KANK1: variants seen among roughly 807,000 people sequenced by gnomAD.
KANK1 encodes the protein KN motif and ankyrin repeat domain-containing protein 1.
KANK1 carries 109 observed loss-of-function variants against 106.2 expected under a neutral mutation model. That is an observed-to-expected ratio of 1.03 (90% CI 0.88 to 1.20). The LOEUF is 1.20. KANK1 is among the 50% of genes most tolerant of loss of function. The pLI is 0.00. For missense variants in KANK1, 2,399 were observed against 1,710.7 expected (o/e 1.40, Z -7.10); for synonymous variants, 873 against 652.2 (o/e 1.34, Z -5.16).
intron 1 of KANK1, among the ~76,000 whole-genome samples, chr9:627,218 C>G (rs1834559717): frequency 6.6e-6 from 1 of 152,150 alleles, no homozygotes; most frequent in Non-Finnish European, 1.5e-5. Context: ...ATCCAGAAAC[C>G]TGTGATGGAT....
At chr9:556,431 A>C (rs896023354) in intron 1 of KANK1, among the ~76,000 whole-genome samples, 1 of 152,196 alleles carries the variant, frequency 6.6e-6, no homozygotes, top group Non-Finnish European at 1.5e-5. Flanking sequence ...AGTCAGCCAG[A>C]TCCAGATCTT....
Position 713,428 on chromosome 9 carries a change from C to A in KANK1, c.2662C>A (p.Pro888Thr), listed in dbSNP as rs374172115. Residue 888 changes from proline (P) to threonine (T), a missense_variant, in exon 3 of 12, where the codon CCT becomes ACT. Coordinates refer to ENST00000382297, the MANE Select transcript of KANK1 (RefSeq NM_015158.5). ...TGCAAGCACTGAAGAGCTGAGGAAC[C>A]CTGACTTCCAGAAAACCAGTCTGGG... ...KSASTEELRN[P>T]DFQKTSLGKI... 1.2e-6 allele frequency: 2 copies of A among 1,603,678 alleles called. No individual in the cohort carries two copies. The highest frequency in any genetic ancestry group is 1.7e-5 in the Admixed American group (1 of 57,904).
rs3028166 is a variant in KANK1 at position 598,620 on chromosome 9, C to CTTTTTTTTTTTTTT, written c.-83-78253_-83-78240dup. On this transcript the variant is annotated intron_variant, in intron 1 of 11. Coordinates refer to ENST00000382297, the MANE Select transcript of KANK1 (RefSeq NM_015158.5). ...TTTTTTGTTTTGTTTTGTTGGTTTT[C>CTTTTTTTTTTTTTT]TTTTTTTTTTTTTTTTTTTTTTTTT... Among the ~76,000 whole-genome samples, 61 of 46,676 alleles carry CTTTTTTTTTTTTTT rather than the reference C, an allele frequency of 1.3e-3. 15 individuals carry two copies. Among genetic ancestry groups the CTTTTTTTTTTTTTT allele is most frequent in the Non-Finnish European group, 2.1e-3 (48 of 23,142 alleles). The allele number at this position is 46,676 out of a possible 152,430, so 30.6% of individuals were successfully genotyped here.
chr9:575,403 C>T (rs1276603579), intron 1 of KANK1, among the ~76,000 whole-genome samples: 1 of 151,624 alleles, frequency 6.6e-6, no homozygotes, highest in Non-Finnish European at 1.5e-5. Context: ...CACAGTGGCT[C>T]TTGCCTGTAA....
chr9:617,651 A>C (rs978787407), intron 1 of KANK1, among the ~76,000 whole-genome samples: 1 of 152,124 alleles, frequency 6.6e-6, no homozygotes. Flanking sequence ...GGGCAGGAAA[A>C]GTTACTTCCC....
In KANK1 at chr9:712,973, T is replaced by A. The variant is rs1177860584; in HGVS notation, c.2207T>A (p.Ile736Asn). ...AACTCCTCCACCAAGACGCGGTCCA[T>A]TGGTGTTGGAACGTTGCTTTCTGGC... is the stretch of plus-strand genomic sequence containing the variant. ...DINSSTKTRS[I>N]GVGTLLSGHS... The change falls in exon 3 of 12, where the codon ATT (isoleucine) becomes AAT (asparagine). Residue 736 changes from isoleucine to asparagine, a missense_variant. Coordinates refer to ENST00000382297, the MANE Select transcript of KANK1 (RefSeq NM_015158.5). 1.2e-6 allele frequency: 2 copies of A among 1,613,974 alleles called. No individual in the cohort carries two copies. The highest frequency in any genetic ancestry group is 2.7e-5 in the African/African-American group (2 of 74,916).
upstream of KANK1, among the ~76,000 whole-genome samples, chr9:500,529 A>G (rs960543711): frequency 3.9e-5 from 6 of 152,236 alleles, no homozygotes; most frequent in Non-Finnish European, 8.8e-5. Flanking sequence ...GATGAAAATG[A>G]GCCCCATGTT....
chr9:550,380 A>T (rs183315932), intron 1 of KANK1, among the ~76,000 whole-genome samples: 6 of 150,154 alleles, frequency 4.0e-5, no homozygotes, highest in Non-Finnish European at 8.8e-5. Flanking sequence ...GCATCCGTAC[A>T]TGAAGCCTGA....
chr9:530,374 T>G (rs1465440978), intron 1 of KANK1, among the ~76,000 whole-genome samples: 1 of 152,206 alleles, frequency 6.6e-6, no homozygotes, highest in Non-Finnish European at 1.5e-5. Context: ...ATATTTAAAT[T>G]ATTTATCCAT....
chr9:668,661 A>C (rs117261135), intron 1 of KANK1, among the ~76,000 whole-genome samples: 10 of 152,092 alleles, frequency 6.6e-5, no homozygotes, highest in Admixed American at 5.9e-4. Context: ...TGTGGTTACC[A>C]TGAGGCTTAT....
intron 1 of KANK1, among the ~76,000 whole-genome samples, chr9:600,768 C>A (rs753975339): frequency 6.6e-6 from 1 of 151,860 alleles, no homozygotes; most frequent in African/African-American, 2.4e-5. Context: ...AGATCTTCTA[C>A]TTGTTGACAG....
chr9:653,157 T>C (rs147790009), intron 1 of KANK1, among the ~76,000 whole-genome samples: 177 of 152,256 alleles, frequency 1.2e-3, no homozygotes, highest in African/African-American at 3.9e-3. Context: ...AGCATAATCA[T>C]AGAATGTCTG....
At chr9:642,626 C>G (rs939497225) in intron 1 of KANK1, among the ~76,000 whole-genome samples, 1 of 150,846 alleles carries the variant, frequency 6.6e-6, no homozygotes, top group East Asian at 1.9e-4. Flanking sequence ...TGATAAAATT[C>G]CCCTCCTTTG....
intron 1 of KANK1, among the ~76,000 whole-genome samples, chr9:591,039 G>A (rs1444536285): frequency 6.6e-6 from 1 of 151,696 alleles, no homozygotes; most frequent in African/African-American, 2.4e-5. Flanking sequence ...CAGTTTTATA[G>A]ACAGATGAAC....
At chr9:657,625 G>C (rs571830798) in intron 1 of KANK1, among the ~76,000 whole-genome samples, 2 of 151,720 alleles carry the variant, frequency 1.3e-5, no homozygotes, top group East Asian at 1.9e-4. Context: ...GTTTTGATTT[G>C]GTTCTGCCTT....
At chr9:506,602 A>G (rs1051025661) in intron 1 of KANK1, among the ~76,000 whole-genome samples, 8 of 152,156 alleles carry the variant, frequency 5.3e-5, no homozygotes, top group Non-Finnish European at 8.8e-5. Context: ...ACTAGGCTTA[A>G]AAGTAATTTT....
chr9:555,414 A>G (rs918598786), intron 1 of KANK1, among the ~76,000 whole-genome samples: 6 of 152,266 alleles, frequency 3.9e-5, no homozygotes, highest in Admixed American at 2.6e-4. Context: ...AAACTCTTCC[A>G]CTCAGTCTGC....
chr9:502,105 T>C (rs534574588), upstream of KANK1, among the ~76,000 whole-genome samples: 1 of 152,328 alleles, frequency 6.6e-6, no homozygotes, highest in Admixed American at 6.5e-5. Context: ...TAGCATGTTG[T>C]TATGTTCCTA....
At chr9:723,744 A>G (rs1589204741) in intron 3 of KANK1, among the ~76,000 whole-genome samples, 1 of 152,182 alleles carries the variant, frequency 6.6e-6, no homozygotes, top group South Asian at 2.1e-4. Flanking sequence ...ATAGCAACCA[A>G]TGGAAATACA....
Sources: gnomAD v4.1 joint callset for allele counts (sites outside exome capture counted in the v4.1 genomes callset) on GRCh38, gnomAD v4.1.1 for gene constraint, MANE v1.5 for transcripts, NCBI Gene and HGNC (gene_info 2026-07-23, HGNC 2026-07-21) for gene names.